Variants in ESRRG observed in about 807,000 individuals in gnomAD.
ESRRG encodes the protein estrogen-related receptor gamma.
In ESRRG, 13 loss-of-function variants were observed where a neutral mutation model predicts 44.0. That is an observed-to-expected ratio of 0.30 (90% CI 0.19 to 0.47). The LOEUF (loss-of-function observed/expected upper bound fraction) is 0.47. Among genes scored for constraint, ESRRG ranks in the 20% least tolerant of loss-of-function variants. The pLI is 1.00. For missense variants in ESRRG, 395 were observed against 580.6 expected (o/e 0.68, Z 3.29); for synonymous variants, 215 against 214.6 (o/e 1.00, Z -0.02).
intron 3 of ESRRG, among the ~76,000 whole-genome samples, chr1:216,596,474 A>T (rs2058461434): frequency 6.6e-6 from 1 of 152,178 alleles, no homozygotes; most frequent in African/African-American, 2.4e-5. Context: ...AAGCGGAGCC[A>T]TTATACTCCT....
At chr1:216,954,834 G>T (rs1166773794) in intron 1 of ESRRG, among the ~76,000 whole-genome samples, 3 of 152,124 alleles carry the variant, frequency 2.0e-5, no homozygotes, top group African/African-American at 7.2e-5. Flanking sequence ...GAACTTAGCT[G>T]TTCATCTGAT....
chr1:216,592,192 CAG>C (rs11572741), intron 3 of ESRRG, among the ~76,000 whole-genome samples: 30,082 of 152,064 alleles, frequency 0.2, 3,741 homozygotes, highest in Non-Finnish European at 0.28. Context: ...TCATGAAAGT[CAG>C]GGAAAGAATG....
chr1:217,073,080 G>T (rs2151461102), intron 1 of ESRRG, among the ~76,000 whole-genome samples: 1 of 151,890 alleles, frequency 6.6e-6, no homozygotes, highest in South Asian at 2.1e-4. Flanking sequence ...AAGGTTGGCT[G>T]GGAAGTGTGA....
At chr1:217,067,824 T>G (rs750794497) in intron 1 of ESRRG, among the ~76,000 whole-genome samples, 1 of 152,112 alleles carries the variant, frequency 6.6e-6, no homozygotes, top group Non-Finnish European at 1.5e-5. Context: ...ACCACATGAC[T>G]AATAAAGTCT....
rs1213214211 is a variant in ESRRG at position 216,974,643 on chromosome 1, T to A, written c.-105-34970A>T. Among the ~76,000 whole-genome samples the A allele has an allele frequency of 9.2e-5, 14 of 152,280 alleles. 1 individual carries two copies. The East Asian group carries it at 2.7e-3, about 29-fold the overall frequency. ...AACTTCTCAGTTTGAAAGAGATATG[T>A]TTGGTCAATGATCTATTTTTATTTC... On this transcript the variant is annotated intron_variant, in intron 1 of 7. Transcript: ENST00000359162.
At chr1:216,527,887 C>T (rs1287010023) in intron 5 of ESRRG, among the ~76,000 whole-genome samples, 3 of 152,068 alleles carry the variant, frequency 2.0e-5, no homozygotes, top group Non-Finnish European at 4.4e-5. Context: ...TGAAGATCTG[C>T]TGCTTGATAG....
chr1:216,959,103 T>TCTCCTTCC (rs899855410), intron 1 of ESRRG, among the ~76,000 whole-genome samples: 4 of 152,046 alleles, frequency 2.6e-5, no homozygotes, highest in Admixed American at 2.0e-4. Context: ...TCCCTCCTTC[T>TCTCCTTCC]CTCCTTCCTA....
At chr1:216,671,936 G>A (rs1312580772) in intron 2 of ESRRG, among the ~76,000 whole-genome samples, 15 of 151,886 alleles carry the variant, frequency 9.9e-5, no homozygotes, top group Admixed American at 9.8e-4. Context: ...CTTATACTTG[G>A]GTATAAGGAT....
At chr1:216,945,148 A>C (rs1392947637) in intron 1 of ESRRG, among the ~76,000 whole-genome samples, 1 of 152,194 alleles carries the variant, frequency 6.6e-6, no homozygotes, top group Non-Finnish European at 1.5e-5. Context: ...GCCTAAACCC[A>C]AATGAAAGCA....
intron 2 of ESRRG, among the ~76,000 whole-genome samples, chr1:216,869,505 T>C (rs1268658792): frequency 6.6e-6 from 1 of 152,148 alleles, no homozygotes; most frequent in African/African-American, 2.4e-5. Context: ...TTATTCTTTT[T>C]CAAAATCAGT....
chr1:216,686,869 C>T (rs2078077611), intron 1 of ESRRG, among the ~76,000 whole-genome samples: 1 of 152,058 alleles, frequency 6.6e-6, no homozygotes, highest in Non-Finnish European at 1.5e-5. Flanking sequence ...GTTTAAAAAC[C>T]ATATATTCTA....
intron 1 of ESRRG, among the ~76,000 whole-genome samples, chr1:216,949,261 G>A (rs963096523): frequency 2.0e-5 from 3 of 152,082 alleles, no homozygotes; most frequent in African/African-American, 7.2e-5. Flanking sequence ...TTAACCACAT[G>A]GCCACTATCT....
intron 2 of ESRRG, among the ~76,000 whole-genome samples, chr1:216,860,138 G>C (rs983407375): frequency 6.6e-6 from 1 of 152,146 alleles, no homozygotes; most frequent in African/African-American, 2.4e-5. Context: ...GGTGGCACAT[G>C]TCTGTAATCC....
intron 3 of ESRRG, among the ~76,000 whole-genome samples, chr1:216,578,182 T>C (rs2062038883): frequency 1.3e-5 from 2 of 152,096 alleles, no homozygotes; most frequent in South Asian, 4.1e-4. Flanking sequence ...AAATGTTTCC[T>C]CTTAGGAAAA....
chr1:216,996,046 T>A (rs2076336466), intron 1 of ESRRG, among the ~76,000 whole-genome samples: 1 of 152,096 alleles, frequency 6.6e-6, no homozygotes, highest in African/African-American at 2.4e-5. Flanking sequence ...AAAAAAAAAT[T>A]AAGGGCAGTT....
chr1:216,590,881 T>C (rs1187295379), intron 3 of ESRRG, among the ~76,000 whole-genome samples: 1 of 152,212 alleles, frequency 6.6e-6, no homozygotes, highest in Admixed American at 6.5e-5. Context: ...ACTTTGTTGG[T>C]ACATGACTTT....
At chr1:216,562,632 AG>A (rs1207355494) in intron 5 of ESRRG, among the ~76,000 whole-genome samples, 2 of 152,104 alleles carry the variant, frequency 1.3e-5, no homozygotes, top group Non-Finnish European at 2.9e-5. Context: ...ACAATGAACA[AG>A]GGCAGCCCCT....
chr1:217,104,218 C>T (rs952031461), intron 1 of ESRRG, among the ~76,000 whole-genome samples: 1 of 152,164 alleles, frequency 6.6e-6, no homozygotes, highest in African/African-American at 2.4e-5. Context: ...TCTCTTGTAG[C>T]CCCTGTGAAC....
chr1:216,977,938 C>G (rs1324550561), intron 1 of ESRRG, among the ~76,000 whole-genome samples: 1 of 152,092 alleles, frequency 6.6e-6, no homozygotes, highest in South Asian at 2.1e-4. Flanking sequence ...TGCACGTGCT[C>G]TCTTGTCCTT....
Sources: gnomAD v4.1 joint callset for allele counts (sites outside exome capture counted in the v4.1 genomes callset) on GRCh38, gnomAD v4.1.1 for gene constraint, MANE v1.5 for transcripts, NCBI Gene and HGNC (gene_info 2026-07-23, HGNC 2026-07-21) for gene names.